EXOC7: variants seen among roughly 807,000 people sequenced by gnomAD.
EXOC7 encodes exocyst complex component 7.
Under a neutral mutation model 87.6 loss-of-function variants are expected in EXOC7, and 51 were observed. The ratio of observed to expected loss-of-function variants is 0.58; its 90% CI spans 0.46 to 0.73. EXOC7 has a LOEUF of 0.73. Among genes scored for constraint, EXOC7 ranks in the 30% least tolerant of loss-of-function variants. EXOC7 has a pLI of 0.00. For synonymous variants in EXOC7, 327 were observed against 357.1 expected (o/e 0.92, Z 0.95); for missense variants, 744 against 888.4 (o/e 0.84, Z 2.07).
In EXOC7 at chr17:76,101,878, C is replaced by T. The variant is rs760221753; in HGVS notation, c.127-15G>A. The T allele has an allele frequency of 4.4e-6, 7 of 1,600,708 alleles. No homozygotes were observed. The Admixed American group carries it at 5.1e-5, about 12-fold the overall frequency. On this transcript the variant is annotated splice_polypyrimidine_tract_variant and intron_variant, in intron 2 of 18. Coordinates refer to ENST00000589210, the MANE Select transcript of EXOC7 (RefSeq NM_001013839.4). ...AAGATAGACACCTGCGGGAGGGAAG[C>T]CTCTTGATCTTGGGACTCACAGTGG... is the stretch of plus-strand genomic sequence containing the variant.
chr17:76,084,403 A>G (rs1274109490), intron 16 of EXOC7, 114 bp from the exon 17 acceptor site: 1 of 1,566,076 alleles, frequency 6.4e-7, no homozygotes. Context: ...TGATGGCCAC[A>G]TGCATCCTTT....
intron 7 of EXOC7, 168 bp from the exon 8 acceptor site, chr17:76,089,488 G>T (rs762854555): frequency 1.0e-5 from 8 of 765,390 alleles, no homozygotes; most frequent in Non-Finnish European, 1.7e-5. Context: ...GGCCCCGCCA[G>T]GTTCGAGGGG....
rs191391860 is a variant in EXOC7, at chr17:76,083,927, T to C, written c.1952+79A>G. On this transcript the variant is annotated intron_variant, in intron 18 of 18. Transcript: ENST00000589210. ...CCTAAATCCACCACCCTTCTCCTTT[T>C]TCCCTTGAGGAAGAGGAGCTTGAAG... is the stretch of plus-strand genomic sequence containing the variant. 2,465 of 1,489,220 alleles carry C rather than the reference T, an allele frequency of 1.7e-3. 2 individuals are homozygous for C. Among genetic ancestry groups the C allele is most frequent in the Middle Eastern group, 6.0e-3 (27 of 4,470 alleles). The allele number at this position is 1,489,220 out of a possible 1,614,324, so 92.3% of individuals were successfully genotyped here. A position where few individuals can be genotyped will look rare whatever the true frequency, so the allele number is the denominator to read the frequency against.
At chr17:76,099,316 G>A (rs1417884005) in intron 4 of EXOC7, among the ~76,000 whole-genome samples, 2 of 152,100 alleles carry the variant, frequency 1.3e-5, no homozygotes, top group African/African-American at 4.8e-5. Context: ...GACCAGCCTG[G>A]CCAACATGGT....
chr17:76,081,234 G>A lies in EXOC7; in HGVS notation c.*2414C>T, dbSNP rs773560354. 1.9e-6 allele frequency: 3 copies of A among 1,609,152 alleles called. No individual in the cohort carries two copies. The highest frequency in any genetic ancestry group is 4.5e-5 in the East Asian group (2 of 44,838). ...CTGCTACCCCCAGACTTGGCAGCTG[G>A]GATCTCTCCTTCCTGGTTCATAGTT... is the stretch of plus-strand genomic sequence containing the variant. On this transcript the variant is annotated 3_prime_UTR_variant, in exon 19 of 19. Transcript: ENST00000589210.
At chr17:76,085,464 A>C in intron 14 of EXOC7, 55 bp from the exon 15 acceptor site, 1 of 1,558,064 alleles carries the variant, frequency 6.4e-7, no homozygotes, top group Non-Finnish European at 8.7e-7. Flanking sequence ...CCTCAGGCCC[A>C]AAGGCTGCGG....
At position 76,089,179 on chromosome 17, in the gene EXOC7, A is replaced by G; in HGVS notation, c.1043T>C (p.Ile348Thr). ...HHQKKTFDSL[I>T]QDALDGLMLE... is the part of the protein sequence containing the mutation. ...GCCCCCGGGGCGGGGCGGGACCTGT[A>G]TCAGGGAGTCGAAGGTCTTCTTCTG... The change falls in exon 8 of 19, where the codon ATA (isoleucine) becomes ACA (threonine). Residue 348 changes from isoleucine to threonine, a missense_variant. Ile to Thr is a moderately conservative substitution (Grantham distance 89, BLOSUM62 -1). Coordinates refer to ENST00000589210, the MANE Select transcript of EXOC7 (RefSeq NM_001013839.4). The G allele has an allele frequency of 6.2e-7, 1 of 1,613,288 alleles. No homozygotes were observed.
At chr17:76,094,776 T>C (rs1045289246) in intron 5 of EXOC7, among the ~76,000 whole-genome samples, 195 bp from the exon 6 acceptor site, 3 of 151,556 alleles carry the variant, frequency 2.0e-5, no homozygotes, top group African/African-American at 7.3e-5. Flanking sequence ...GATAGGGTCT[T>C]GCTCTGTTGC....
In EXOC7 at chr17:76,084,254, ACGCTCCTTGATAATCTGC is replaced by A; in HGVS notation, c.1794_1811del (p.Gln599_Arg604del). The A allele has an allele frequency of 6.2e-7, 1 of 1,613,334 alleles. No homozygotes were observed. On this transcript the variant is annotated inframe_deletion, in exon 17 of 19. Transcript: ENST00000589210. ...GGAGAGGACCCCGACTCACCTTAAA[ACGCTCCTTGATAATCTGC>A]CGCTCCTTGTCCCGGAGCTGGGAAG...
At chr17:76,084,631 G>C (rs749300739) in intron 15 of EXOC7, 51 bp from the exon 16 acceptor site, 31 of 1,555,756 alleles carry the variant, frequency 2.0e-5, no homozygotes, top group African/African-American at 2.7e-5. Flanking sequence ...TGCCTCAGTG[G>C]CCTGGCTTGT....
rs201270879 is a variant in EXOC7 at position 76,081,684 on chromosome 17, T to C, written c.*1964A>G. 1.4e-4 allele frequency: 223 copies of C among 1,614,032 alleles called. 1 individual carries two copies. The Middle Eastern group carries it at 1.5e-3, about 11-fold the overall frequency. On this transcript the variant is annotated 3_prime_UTR_variant, in exon 19 of 19. Coordinates refer to ENST00000589210, the MANE Select transcript of EXOC7 (RefSeq NM_001013839.4). Reference sequence around the variant, plus strand: ...ATAGGCTACAAGGTGACATTGCTGCTGAGTTACCTCGTCCTCCACTCCTCC... The same window carrying C: ...ATAGGCTACAAGGTGACATTGCTGCCGAGTTACCTCGTCCTCCACTCCTCC...
chr17:76,088,823 G>A lies in EXOC7; in HGVS notation c.1148C>T (p.Pro383Leu), dbSNP rs1270893420. 2 of 1,613,788 alleles carry A rather than the reference G, an allele frequency of 1.2e-6. No individual in the cohort carries two copies. The highest frequency in any genetic ancestry group is 1.7e-5 in the Admixed American group (1 of 60,010). ...HDFSTVLTVFPILRHLKQTKP... is the reference protein window; with the variant it reads ...HDFSTVLTVFLILRHLKQTKP... ...GGTCTGCTTGAGGTGTCGCAGGATG[G>A]GGAAGACGGTGAGCACCGTGGAGAA... Residue 383 changes from proline (P) to leucine (L), a missense_variant, in exon 9 of 19, where the codon CCC becomes CTC. By Grantham distance (98) the Pro-to-Leu change is moderately conservative. This residue lies in a region of EXOC7 where 512 missense variants were observed against 573.0 expected (regional missense o/e 0.89). Transcript: ENST00000589210.
chr17:76,082,497 C>G lies in EXOC7; in HGVS notation c.*1151G>C, dbSNP rs2067025019. On this transcript the variant is annotated 3_prime_UTR_variant, in exon 19 of 19. Transcript: ENST00000589210. ...GAGGAGTAAAGGGGTCACAGAGAAG[C>G]TGGCCTGAGACTGCTGACCGCATCT... 2 of 1,613,284 alleles carry G rather than the reference C, an allele frequency of 1.2e-6. No individual in the cohort carries two copies. Among genetic ancestry groups the G allele is most frequent in the Non-Finnish European group, 1.7e-6 (2 of 1,179,730 alleles).
chr17:76,082,064 G>C lies in EXOC7; in HGVS notation c.*1584C>G. ...TCCTGCTGAAGGTGGGCAGGGGCTGGGGGGTAAGGAATGAGGCCTAGGTGC... is the reference window on the plus strand; with the variant it reads ...TCCTGCTGAAGGTGGGCAGGGGCTGCGGGGTAAGGAATGAGGCCTAGGTGC... On this transcript the variant is annotated 3_prime_UTR_variant, in exon 19 of 19. Coordinates refer to ENST00000589210, the MANE Select transcript of EXOC7 (RefSeq NM_001013839.4). The C allele has an allele frequency of 6.3e-7, 1 of 1,591,412 alleles. No homozygotes were observed. Among genetic ancestry groups the C allele is most frequent in the South Asian group, 1.1e-5 (1 of 88,800 alleles).
chr17:76,081,325 G>C lies in EXOC7; in HGVS notation c.*2323C>G. 6.2e-7 allele frequency: 1 copy of C among 1,614,172 alleles called. No individual in the cohort carries two copies. The highest frequency in any genetic ancestry group is 8.5e-7 in the Non-Finnish European group (1 of 1,180,028). On this transcript the variant is annotated 3_prime_UTR_variant, in exon 19 of 19. Coordinates refer to ENST00000589210, the MANE Select transcript of EXOC7 (RefSeq NM_001013839.4). ...CCACGTGGTGAACGAGATTGTGAGTGTCAAGAGGGAATACGTAGTTTATGA... is the reference window on the plus strand; with the variant it reads ...CCACGTGGTGAACGAGATTGTGAGTCTCAAGAGGGAATACGTAGTTTATGA...
At chr17:76,102,025 C>T (rs1567993121) in intron 2 of EXOC7, among the ~76,000 whole-genome samples, 162 bp from the exon 3 acceptor site, 1 of 152,132 alleles carries the variant, frequency 6.6e-6, no homozygotes, top group African/African-American at 2.4e-5. Context: ...TCTTCAGCAC[C>T]TATCATGTGC....
intron 6 of EXOC7, chr17:76,093,074 A>G (rs2067574221): frequency 6.6e-6 from 1 of 152,472 alleles, no homozygotes; most frequent in African/African-American, 2.4e-5. Context: ...GGCACTCTTA[A>G]GGCAGTGCAA....
intron 15 of EXOC7, 97 bp downstream of exon 15, chr17:76,085,217 T>C: frequency 1.0e-6 from 1 of 1,001,226 alleles, no homozygotes. Flanking sequence ...AGGACAGGAG[T>C]TCCCCGTGAC....
In EXOC7 at chr17:76,083,626, C is replaced by A. The variant is rs1362797002; in HGVS notation, c.*22G>T. On this transcript the variant is annotated 3_prime_UTR_variant, in exon 19 of 19. Coordinates refer to ENST00000589210, the MANE Select transcript of EXOC7 (RefSeq NM_001013839.4). ...CCAATGACACGCCAGTCTGGTGGAA[C>A]CAGGCAGGGCTAGCAGCAGGCTCAG... 6.2e-6 allele frequency: 10 copies of A among 1,611,906 alleles called. No individual in the cohort carries two copies. The highest frequency in any genetic ancestry group is 7.6e-6 in the Non-Finnish European group (9 of 1,178,352).
Sources: gnomAD v4.1 joint callset for allele counts (sites outside exome capture counted in the v4.1 genomes callset) on GRCh38, gnomAD v4.1.1 for gene constraint, gnomAD v4.1.1 regional missense constraint, MANE v1.5 for transcripts, NCBI Gene and HGNC (gene_info 2026-07-23, HGNC 2026-07-21) for gene names.